Variants in MYRIP observed in about 807,000 individuals in gnomAD.
The protein encoded by MYRIP is rab effector MyRIP.
Under a neutral mutation model 98.0 loss-of-function variants are expected in MYRIP, and 49 were observed. The observed-to-expected ratio is 0.50, with a 90% CI of 0.40 to 0.63. MYRIP has a LOEUF of 0.63. Among genes scored for constraint, MYRIP ranks in the 30% least tolerant of loss-of-function variants. MYRIP has a pLI of 0.00. For synonymous variants in MYRIP, 404 were observed against 409.5 expected (o/e 0.99, Z 0.16); for missense variants, 1,004 against 1,058.2 (o/e 0.95, Z 0.71).
chr3:40,153,023 G>A (rs1950151956), intron 4 of MYRIP, among the ~76,000 whole-genome samples: 1 of 151,998 alleles, frequency 6.6e-6, no homozygotes. Context: ...GGAGACTGAG[G>A]TGGGAAGATC....
intron 10 of MYRIP, among the ~76,000 whole-genome samples, chr3:40,202,856 C>G (rs1004096816): frequency 6.6e-6 from 1 of 152,102 alleles, no homozygotes; most frequent in Non-Finnish European, 1.5e-5. Context: ...AGAAATGTCT[C>G]GTACCTTCTT....
intron 2 of MYRIP, among the ~76,000 whole-genome samples, chr3:40,009,752 T>C (rs1328853325): frequency 6.6e-6 from 1 of 152,208 alleles, no homozygotes; most frequent in Admixed American, 6.5e-5. Context: ...CTGATGCTAT[T>C]ACTAATGCAA....
chr3:40,153,778 C>A (rs879640525), intron 4 of MYRIP, among the ~76,000 whole-genome samples: 1 of 152,166 alleles, frequency 6.6e-6, no homozygotes, highest in Non-Finnish European at 1.5e-5. Context: ...TGCTCCAGGA[C>A]TCTCAGTGTA....
At chr3:40,218,612 T>TATA (rs1553629190) in intron 11 of MYRIP, among the ~76,000 whole-genome samples, 4 of 13,558 alleles carry the variant, frequency 3.0e-4, no homozygotes, top group Admixed American at 1.3e-3. Context: ...TATATATATT[T>TATA]TATATATATA....
chr3:40,244,388 AC>A, intron 12 of MYRIP, 57 bp from the exon 13 acceptor site: 2 of 1,498,726 alleles, frequency 1.3e-6, no homozygotes, highest in African/African-American at 1.4e-5. Flanking sequence ...CCCTCAAGGG[AC>A]CCCCAACCAG....
At chr3:40,100,281 G>A (rs758693130) in intron 3 of MYRIP, 5 of 984,646 alleles carry the variant, frequency 5.1e-6, no homozygotes, top group Non-Finnish European at 6.0e-6. Flanking sequence ...ACATTGACTT[G>A]TCCTTTATTT....
At chr3:40,175,316 T>C (rs527935267) in intron 8 of MYRIP, among the ~76,000 whole-genome samples, 41 of 152,262 alleles carry the variant, frequency 2.7e-4, no homozygotes, top group Non-Finnish European at 5.1e-4. Flanking sequence ...TCTGTCCCCA[T>C]TGGGCTTCAG....
At chr3:40,102,607 T>C (rs1948967353) in intron 3 of MYRIP, among the ~76,000 whole-genome samples, 1 of 152,242 alleles carries the variant, frequency 6.6e-6, no homozygotes, top group African/African-American at 2.4e-5. Context: ...AGTAGTGGCA[T>C]TTGGGCCAGA....
intron 3 of MYRIP, among the ~76,000 whole-genome samples, chr3:40,055,397 T>A (rs933717660): frequency 6.6e-6 from 1 of 152,164 alleles, no homozygotes; most frequent in Non-Finnish European, 1.5e-5. Context: ...CAAACTGCCA[T>A]CATAGGTAAT....
At chr3:39,809,165 A>C (rs967421626), upstream of MYRIP, among the ~76,000 whole-genome samples, 1 of 152,078 alleles carries the variant, frequency 6.6e-6, no homozygotes, top group Non-Finnish European at 1.5e-5. Flanking sequence ...CAGGCCCCGG[A>C]TTCTGGTGAC....
chr3:39,828,505 T>C (rs9864004), intron 1 of MYRIP, among the ~76,000 whole-genome samples: 29,947 of 151,872 alleles, frequency 0.2, 3,063 homozygotes, highest in South Asian at 0.29. Flanking sequence ...CCATAAGTTA[T>C]TGGGGTACAG....
chr3:40,086,886 C>T (rs575245080), intron 3 of MYRIP, among the ~76,000 whole-genome samples: 2 of 151,886 alleles, frequency 1.3e-5, no homozygotes, highest in African/African-American at 2.4e-5. Flanking sequence ...TAGCAGCAAG[C>T]GGTTCTCGGG....
intron 1 of MYRIP, among the ~76,000 whole-genome samples, chr3:39,825,118 C>T (rs896668416): frequency 6.6e-6 from 1 of 152,090 alleles, no homozygotes; most frequent in African/African-American, 2.4e-5. Context: ...TGATTTTTTG[C>T]TATATAAGAT....
At chr3:39,986,540 G>T (rs932981465) in intron 2 of MYRIP, among the ~76,000 whole-genome samples, 1 of 151,732 alleles carries the variant, frequency 6.6e-6, no homozygotes, top group African/African-American at 2.4e-5. Flanking sequence ...TTAAAGTCTT[G>T]CTCTGACACC....
rs1481039553 is a variant in MYRIP at position 39,866,598 on chromosome 3, G to A, written c.-30-34189G>A. Among the ~76,000 whole-genome samples the A allele has an allele frequency of 2.0e-5, 3 of 152,124 alleles. No individual in the cohort carries two copies. The East Asian group carries it at 5.8e-4, about 29-fold the overall frequency. On this transcript the variant is annotated intron_variant, in intron 1 of 16. Transcript: ENST00000302541. ...TGATTCTCCTGCCTCAGCCTCCTGA[G>A]TACAAAATCCTAGAAATAAATTTGC...
At chr3:40,017,394 T>C (rs1453101604) in intron 2 of MYRIP, among the ~76,000 whole-genome samples, 2 of 152,232 alleles carry the variant, frequency 1.3e-5, no homozygotes, top group African/African-American at 4.8e-5. Context: ...ATCCCTTTAC[T>C]GAACGCATGA....
chr3:40,154,990 A>C (rs531447042), intron 4 of MYRIP, among the ~76,000 whole-genome samples: 97 of 151,942 alleles, frequency 6.4e-4, no homozygotes, highest in Non-Finnish European at 1.1e-3. Context: ...TATTTTTATT[A>C]TTTTTTTATT....
Position 39,907,403 on chromosome 3 carries a change from T to A in MYRIP, c.110+6477T>A, listed in dbSNP as rs931221092. Among the ~76,000 whole-genome samples the A allele has an allele frequency of 3.9e-5, 6 of 152,256 alleles. No homozygotes were observed. The East Asian group carries it at 1.2e-3, about 29-fold the overall frequency. On this transcript the variant is annotated intron_variant, in intron 2 of 16. Transcript: ENST00000302541. Reference sequence around the variant, plus strand: ...GTTAGATTGCAGCCATGTGATTAGGTCTGGATAATCGACAGTGAGAGGAAG... The same window carrying A: ...GTTAGATTGCAGCCATGTGATTAGGACTGGATAATCGACAGTGAGAGGAAG...
chr3:40,109,533 C>T (rs1033101801), intron 3 of MYRIP, among the ~76,000 whole-genome samples: 1 of 152,176 alleles, frequency 6.6e-6, no homozygotes, highest in Non-Finnish European at 1.5e-5. Context: ...TCCTGTAATC[C>T]CAGCTACTTG....
Sources: allele counts gnomAD v4.1 joint callset (sites outside exome capture counted in the v4.1 genomes callset), GRCh38; gene constraint gnomAD v4.1.1; transcripts MANE v1.5; gene names NCBI Gene and HGNC (gene_info 2026-07-23, HGNC 2026-07-21).